Variants in TBC1D12 observed in about 807,000 individuals in gnomAD.
TBC1D12 encodes TBC1 domain family member 12, also known as TBC1 domain family, member 12.
A neutral mutation model predicts 86.7 loss-of-function variants in TBC1D12; 56 were observed. The ratio of observed to expected loss-of-function variants is 0.65; its 90% CI spans 0.52 to 0.81. The LOEUF is 0.81. Among genes scored for constraint, TBC1D12 ranks in the 30% least tolerant of loss-of-function variants. The pLI, the probability that TBC1D12 is intolerant of heterozygous loss-of-function variation, is 0.00. For synonymous variants in TBC1D12, 421 were observed against 411.7 expected (o/e 1.02, Z -0.27); for missense variants, 1,023 against 1,038.8 (o/e 0.98, Z 0.21).
chr10:94,417,796 T>C (rs902202186), intron 1 of TBC1D12, among the ~76,000 whole-genome samples: 7 of 151,040 alleles, frequency 4.6e-5, no homozygotes, highest in Non-Finnish European at 8.8e-5. Context: ...TCGCCCAGGC[T>C]GGAGTGCAGT....
intron 2 of TBC1D12, among the ~76,000 whole-genome samples, chr10:94,442,917 A>C (rs1424295878): frequency 6.6e-6 from 1 of 152,232 alleles, no homozygotes; most frequent in Non-Finnish European, 1.5e-5. Flanking sequence ...ATAATTTTAG[A>C]TCTTTAAAAA....
chr10:94,469,235 A>G (rs567925651), intron 2 of TBC1D12, among the ~76,000 whole-genome samples: 1 of 152,278 alleles, frequency 6.6e-6, no homozygotes, highest in East Asian at 1.9e-4. Context: ...GTGTATTCCC[A>G]GTGATGACTT....
intron 2 of TBC1D12, among the ~76,000 whole-genome samples, chr10:94,456,992 C>A (rs2055636829): frequency 3.3e-5 from 5 of 152,184 alleles, no homozygotes; most frequent in Admixed American, 3.3e-4. Flanking sequence ...CTCTTGTTAT[C>A]TTTGATTAGC....
intron 1 of TBC1D12, among the ~76,000 whole-genome samples, chr10:94,435,454 A>G (rs146838900): frequency 7.2e-5 from 11 of 152,264 alleles, no homozygotes; most frequent in Non-Finnish European, 1.0e-4. Flanking sequence ...GAGCTCCCTT[A>G]TTACTAATGA....
At chr10:94,526,640 G>A (rs1842296847) in intron 11 of TBC1D12, among the ~76,000 whole-genome samples, 1 of 152,028 alleles carries the variant, frequency 6.6e-6, no homozygotes, top group African/African-American at 2.4e-5. Flanking sequence ...ATCTGTTGTT[G>A]GATACTCAGG....
intron 1 of TBC1D12, among the ~76,000 whole-genome samples, chr10:94,418,060 T>A (rs922118783): frequency 6.6e-6 from 1 of 152,172 alleles, no homozygotes; most frequent in Admixed American, 6.5e-5. Context: ...GGCCCATGTA[T>A]GTCTCTTCTA....
chr10:94,514,907 C>CTTTTT (rs1168629833), intron 9 of TBC1D12, among the ~76,000 whole-genome samples: 2 of 127,338 alleles, frequency 1.6e-5, no homozygotes, highest in Non-Finnish European at 3.3e-5. Context: ...TTTTTTTTTT[C>CTTTTT]TTTTTTTTTT....
chr10:94,486,136 CTTCTTTTTTTT>C (rs1267807647), intron 3 of TBC1D12, among the ~76,000 whole-genome samples: 2 of 120,874 alleles, frequency 1.7e-5, no homozygotes, highest in Non-Finnish European at 3.4e-5. Flanking sequence ...TCTTCTTCTT[CTTCTTTTTTTT>C]TTTTTTTTTT....
intron 1 of TBC1D12, among the ~76,000 whole-genome samples, chr10:94,438,919 T>G (rs999978319): frequency 6.6e-6 from 1 of 152,106 alleles, no homozygotes; most frequent in African/African-American, 2.4e-5. Flanking sequence ...TTCACCTGTC[T>G]CAGCCTCCTG....
intron 3 of TBC1D12, among the ~76,000 whole-genome samples, chr10:94,489,360 T>C (rs936506663): frequency 1.3e-5 from 2 of 152,212 alleles, no homozygotes; most frequent in Non-Finnish European, 2.9e-5. Context: ...TTCTGTCTCC[T>C]AGCCAAGAAG....
chr10:94,515,875 C>G (rs1328410921), intron 9 of TBC1D12, among the ~76,000 whole-genome samples: 1 of 151,770 alleles, frequency 6.6e-6, no homozygotes, highest in Non-Finnish European at 1.5e-5. Context: ...AACAGTTGAT[C>G]TTATAACCGA....
At chr10:94,416,571 C>A (rs1385688096) in intron 1 of TBC1D12, among the ~76,000 whole-genome samples, 1 of 152,140 alleles carries the variant, frequency 6.6e-6, no homozygotes, top group African/African-American at 2.4e-5. Context: ...ACTATTTATT[C>A]ATTCAGCAAA....
At chr10:94,453,620 G>A (rs548489682) in intron 2 of TBC1D12, among the ~76,000 whole-genome samples, 1 of 152,198 alleles carries the variant, frequency 6.6e-6, no homozygotes, top group African/African-American at 2.4e-5. Context: ...AGGATAAGGG[G>A]GGACTACTGT....
intron 3 of TBC1D12, among the ~76,000 whole-genome samples, chr10:94,485,985 T>G (rs1368788840): frequency 6.6e-6 from 1 of 152,122 alleles, no homozygotes; most frequent in Non-Finnish European, 1.5e-5. Context: ...CTGATTTTAC[T>G]TATTTGAGTC....
chr10:94,432,702 G>A (rs984814155), intron 1 of TBC1D12, among the ~76,000 whole-genome samples: 3 of 151,598 alleles, frequency 2.0e-5, no homozygotes. Context: ...GATTTAACAA[G>A]AATTTAAACT....
chr10:94,419,967 C>A (rs186371829), intron 1 of TBC1D12, among the ~76,000 whole-genome samples: 1 of 152,114 alleles, frequency 6.6e-6, no homozygotes, highest in African/African-American at 2.4e-5. Context: ...GAACTGATAA[C>A]TAGAAGTTCA....
chr10:94,507,916 G>A (rs185725018), intron 7 of TBC1D12, among the ~76,000 whole-genome samples: 25 of 152,272 alleles, frequency 1.6e-4, no homozygotes, highest in Non-Finnish European at 3.4e-4. Context: ...GAACCTGGGA[G>A]GCAGAGGTTA....
intron 1 of TBC1D12, among the ~76,000 whole-genome samples, chr10:94,421,526 T>G (rs909044204): frequency 6.6e-6 from 1 of 152,198 alleles, no homozygotes; most frequent in African/African-American, 2.4e-5. Context: ...TGAGCACTGG[T>G]TTTTAATTCT....
chr10:94,532,607 C>T (rs1195937049), intron 12 of TBC1D12, among the ~76,000 whole-genome samples: 3 of 152,246 alleles, frequency 2.0e-5, no homozygotes, highest in Non-Finnish European at 2.9e-5. Context: ...TAAATACCTA[C>T]TGTGTACTAG....
Sources: allele counts gnomAD v4.1 joint callset (sites outside exome capture counted in the v4.1 genomes callset), GRCh38; gene constraint gnomAD v4.1.1; transcripts MANE v1.5; gene names NCBI Gene and HGNC (gene_info 2026-07-23, HGNC 2026-07-21).